ATP6V0E1: variants seen among roughly 807,000 people sequenced by gnomAD.
ATP6V0E1 encodes the protein ATPase H+ transporting V0 subunit e1.
Under a neutral mutation model 11.6 loss-of-function variants are expected in ATP6V0E1, and 4 were observed. The ratio of observed to expected loss-of-function variants is 0.35; its 90% CI spans 0.17 to 0.79. The LOEUF is 0.79. ATP6V0E1 is among the 30% of genes least tolerant of loss of function. ATP6V0E1 has a pLI of 0.54. For missense variants in ATP6V0E1, 105 were observed against 100.0 expected (o/e 1.05, Z -0.21); for synonymous variants, 36 against 34.8 (o/e 1.04, Z -0.13).
intron 3 of ATP6V0E1, among the ~76,000 whole-genome samples, chr5:173,027,178 CAAAAAAAAAAAA>C (rs1158447516): frequency 1.2e-4 from 3 of 26,046 alleles, no homozygotes; most frequent in African/African-American, 2.8e-4. Flanking sequence ...GACTCCGTCT[CAAAAAAAAAAAA>C]AAAAAAAAAA....
At position 172,983,866 on chromosome 5, in the gene ATP6V0E1, G is replaced by A; in HGVS notation, c.6G>A (p.Ala2=). The A allele has an allele frequency of 6.2e-7, 1 of 1,613,746 alleles. No homozygotes were observed. The highest frequency in any genetic ancestry group is 8.5e-7 in the Non-Finnish European group (1 of 1,179,808). ...TTGGCGCTCAGGCGGCGACCATGGC[G>A]TATCACGGCCTCACTGTGCCTCTCA... The part of the protein sequence containing the change: M[A]YHGLTVPLIV... Residue 2 remains alanine, a synonymous_variant, in exon 1 of 4, where the codon GCG becomes GCA. Coordinates refer to ENST00000519374, the MANE Select transcript of ATP6V0E1 (RefSeq NM_003945.4).
At chr5:173,028,490 G>A (rs944205060) in intron 3 of ATP6V0E1, among the ~76,000 whole-genome samples, 2 of 152,232 alleles carry the variant, frequency 1.3e-5, no homozygotes, top group Non-Finnish European at 2.9e-5. Flanking sequence ...GATTTGGAAA[G>A]TAGGTGTAAG....
intron 2 of ATP6V0E1, among the ~76,000 whole-genome samples, 186 bp from the exon 3 acceptor site, chr5:173,020,052 G>A (rs747310934): frequency 1.3e-5 from 2 of 152,158 alleles, no homozygotes; most frequent in Non-Finnish European, 2.9e-5. Context: ...CAAGATGAAG[G>A]CAGGCTACGT....
chr5:173,009,514 G>T (rs1241704560), intron 2 of ATP6V0E1, among the ~76,000 whole-genome samples: 1 of 147,284 alleles, frequency 6.8e-6, no homozygotes, highest in Non-Finnish European at 1.5e-5. Context: ...CAGGTGGCTG[G>T]AGTGCAGTGG....
chr5:172,992,302 C>T (rs1755996515), intron 1 of ATP6V0E1, among the ~76,000 whole-genome samples: 1 of 152,192 alleles, frequency 6.6e-6, no homozygotes, highest in African/African-American at 2.4e-5. Context: ...CTGCCCGCCT[C>T]GGCCTCCCAA....
At position 173,011,775 on chromosome 5, in the gene ATP6V0E1, G is replaced by A. The variant is rs967905161; in HGVS notation, c.153-8463G>A. 3.9e-4 allele frequency among the ~76,000 whole-genome samples: 60 copies of A among 152,078 alleles called. 2 individuals carry two copies. Among genetic ancestry groups the A allele is most frequent in the African/African-American group, 1.4e-3 (57 of 41,408 alleles). ...GTTATGAAGACATGCGGTACAGTTC[G>A]GGCAAACATGAAAGGTACATTTAGT... On this transcript the variant is annotated intron_variant, in intron 2 of 3. Transcript: ENST00000519374.
chr5:172,988,288 C>T (rs1455838214), intron 1 of ATP6V0E1, among the ~76,000 whole-genome samples: 1 of 152,180 alleles, frequency 6.6e-6, no homozygotes, highest in Non-Finnish European at 1.5e-5. Flanking sequence ...AGTTCACAGC[C>T]TCTGCTGCAG....
intron 1 of ATP6V0E1, among the ~76,000 whole-genome samples, chr5:172,990,643 A>G (rs1755964901): frequency 6.6e-6 from 1 of 151,922 alleles, no homozygotes; most frequent in South Asian, 2.1e-4. Flanking sequence ...CCTGGCCAAC[A>G]TGGTGAAACC....
intron 3 of ATP6V0E1, among the ~76,000 whole-genome samples, chr5:173,027,371 G>A (rs1020663087): frequency 8.0e-5 from 10 of 125,416 alleles, no homozygotes; most frequent in Non-Finnish European, 8.4e-5. Context: ...ACATGGTGGC[G>A]GGTGCCTGTA....
intron 1 of ATP6V0E1, among the ~76,000 whole-genome samples, chr5:172,984,978 G>T (rs1463011893): frequency 1.3e-5 from 2 of 152,168 alleles, no homozygotes; most frequent in African/African-American, 4.8e-5. Context: ...CAGGTGCCGT[G>T]GCTCACGCCT....
intron 2 of ATP6V0E1, among the ~76,000 whole-genome samples, chr5:173,004,799 A>G (rs1435592265): frequency 1.3e-5 from 2 of 152,186 alleles, no homozygotes; most frequent in African/African-American, 4.8e-5. Context: ...CTGCTTCTGA[A>G]GGTTGTAGGC....
intron 2 of ATP6V0E1, among the ~76,000 whole-genome samples, chr5:173,009,625 C>T (rs1008922361): frequency 2.4e-4 from 36 of 147,994 alleles, no homozygotes; most frequent in African/African-American, 8.7e-4. Context: ...CCACCACGCC[C>T]GGCTAATTTT....
intron 2 of ATP6V0E1, among the ~76,000 whole-genome samples, chr5:173,003,429 T>C (rs1756188007): frequency 6.6e-6 from 1 of 152,124 alleles, no homozygotes; most frequent in Non-Finnish European, 1.5e-5. Context: ...AATAAGGAGT[T>C]TGGGTTTCAT....
chr5:173,008,910 CAAAAAAAA>C (rs1164495740), intron 2 of ATP6V0E1, among the ~76,000 whole-genome samples: 3 of 41,346 alleles, frequency 7.3e-5, no homozygotes, highest in African/African-American at 9.6e-5. Flanking sequence ...GACTCTGTCT[CAAAAAAAA>C]AAAAAAAAAA....
intron 2 of ATP6V0E1, among the ~76,000 whole-genome samples, chr5:173,018,257 G>C (rs981630741): frequency 1.8e-4 from 27 of 152,132 alleles, no homozygotes; most frequent in African/African-American, 6.5e-4. Flanking sequence ...AAAATGTTAA[G>C]AAAATCATAA....
intron 2 of ATP6V0E1, among the ~76,000 whole-genome samples, chr5:173,012,317 G>GT (rs147169352): frequency 0.064 from 9,446 of 147,098 alleles, 413 homozygotes; most frequent in Non-Finnish European, 0.1. Flanking sequence ...GTGGTTTCTT[G>GT]TTTTTTTTTT....
chr5:173,008,074 GGCCTAC>G (rs1469892695), intron 2 of ATP6V0E1, among the ~76,000 whole-genome samples: 2 of 152,152 alleles, frequency 1.3e-5, no homozygotes, highest in African/African-American at 2.4e-5. Flanking sequence ...CGCGACCTCC[GGCCTAC>G]GCCTGAAATG....
chr5:172,996,378 T>G (rs1463545341), intron 2 of ATP6V0E1, among the ~76,000 whole-genome samples: 1 of 151,688 alleles, frequency 6.6e-6, no homozygotes, highest in East Asian at 1.9e-4. Flanking sequence ...GCCAACATGG[T>G]GAAACCCATT....
chr5:172,990,821 T>C (rs1194476994), intron 1 of ATP6V0E1, among the ~76,000 whole-genome samples: 2 of 149,726 alleles, frequency 1.3e-5, no homozygotes, highest in Non-Finnish European at 3.0e-5. Flanking sequence ...AGCGATACTC[T>C]GTCTCAAAAA....
Sources: allele counts gnomAD v4.1 joint callset (sites outside exome capture counted in the v4.1 genomes callset), GRCh38; gene constraint gnomAD v4.1.1; transcripts MANE v1.5; gene names NCBI Gene and HGNC (gene_info 2026-07-23, HGNC 2026-07-21).